MACO1: variants seen among roughly 807,000 people sequenced by gnomAD.
MACO1 encodes macoilin.
A neutral mutation model predicts 78.7 loss-of-function variants in MACO1; 14 were observed. The ratio of observed to expected loss-of-function variants is 0.18; its 90% CI spans 0.12 to 0.28. MACO1 has a LOEUF of 0.28. Among genes scored for constraint, MACO1 ranks in the 10% least tolerant of loss-of-function variants. The probability of loss-of-function intolerance (pLI) is 1.00; values close to 1 mark genes in which losing one functional copy is unlikely to be tolerated. For missense variants in MACO1, 501 were observed against 799.0 expected (o/e 0.63, Z 4.50); for synonymous variants, 288 against 291.6 (o/e 0.99, Z 0.12).
intron 6 of MACO1, among the ~76,000 whole-genome samples, chr1:25,472,418 T>C (rs920049422): frequency 2.0e-5 from 3 of 146,410 alleles, no homozygotes; most frequent in Non-Finnish European, 3.0e-5. Flanking sequence ...CCTGTGTTCA[T>C]GCGTTCTCAT....
rs943937796 is a variant in MACO1 at position 25,493,801 on chromosome 1, C to T, written c.1792+2217C>T. ...AGGCTGGAGTGCAGTGGCACGATCT[C>T]GGTGCACTGCAAGCTCCAGCTCCCG... On this transcript the variant is annotated intron_variant, in intron 10 of 10. Coordinates refer to ENST00000374343, the MANE Select transcript of MACO1 (RefSeq NM_018202.6). 7.3e-4 allele frequency among the ~76,000 whole-genome samples: 103 copies of T among 141,612 alleles called. 1 individual carries two copies. The highest frequency in any genetic ancestry group is 8.0e-5 in the African/African-American group (3 of 37,444). The allele number at this position is 141,612 out of a possible 152,430, so 92.9% of individuals were successfully genotyped here.
At chr1:25,484,550 A>G (rs1051844738) in intron 7 of MACO1, among the ~76,000 whole-genome samples, 3 of 152,188 alleles carry the variant, frequency 2.0e-5, no homozygotes, top group African/African-American at 7.2e-5. Flanking sequence ...GAGTTTTTGG[A>G]TAGTAAAATT....
chr1:25,495,523 C>T (rs2043527766), intron 10 of MACO1, among the ~76,000 whole-genome samples: 2 of 152,194 alleles, frequency 1.3e-5, no homozygotes, highest in East Asian at 3.8e-4. Context: ...TTCCTTTCTA[C>T]TGCTCTCACT....
rs148484219 is a variant in MACO1, at chr1:25,448,697, G to A, written c.223-111G>A. On this transcript the variant is annotated intron_variant, in intron 2 of 10. Transcript: ENST00000374343. ...TGTGAATTTGCTTTACAGTTACCAAGTTATCTCTTAGCAGTTTCAATAATT... is the reference window on the plus strand; with the variant it reads ...TGTGAATTTGCTTTACAGTTACCAAATTATCTCTTAGCAGTTTCAATAATT... 6.3e-4 allele frequency: 651 copies of A among 1,035,078 alleles called. 6 individuals carry two copies. The East Asian group carries it at 0.016, about 25-fold the overall frequency. 64.1% of individuals were successfully genotyped at this position (1,035,078 alleles called of 1,614,324 possible). A position where few individuals can be genotyped will look rare whatever the true frequency, so the allele number is the denominator to read the frequency against.
chr1:25,437,179 G>C (rs1019247643), intron 1 of MACO1, among the ~76,000 whole-genome samples: 5 of 150,676 alleles, frequency 3.3e-5, no homozygotes, highest in African/African-American at 7.3e-5. Flanking sequence ...CTGTCGCCCA[G>C]GCTGGAGTCC....
intron 3 of MACO1, among the ~76,000 whole-genome samples, 176 bp from the exon 4 acceptor site, chr1:25,454,083 A>T (rs2043093431): frequency 6.6e-6 from 1 of 152,110 alleles, no homozygotes; most frequent in Non-Finnish European, 1.5e-5. Context: ...TTTGTCAGCG[A>T]TTCTGTGGAA....
chr1:25,444,768 G>T lies in MACO1; in HGVS notation c.81-1994G>T, dbSNP rs569078361. Among the ~76,000 whole-genome samples the T allele has an allele frequency of 1.0e-3, 154 of 151,672 alleles. 2 individuals carry two copies. Among genetic ancestry groups the T allele is most frequent in the African/African-American group, 3.0e-3 (124 of 41,420 alleles). On this transcript the variant is annotated intron_variant, in intron 1 of 10. Coordinates refer to ENST00000374343, the MANE Select transcript of MACO1 (RefSeq NM_018202.6). ...CACCTGGCTAATTTTTAAATTTTTT[G>T]TACAGATGGGGTCTCACTATGTTGC...
Position 25,441,949 on chromosome 1 carries a change from T to C in MACO1, c.81-4813T>C, listed in dbSNP as rs182444291. On this transcript the variant is annotated intron_variant, in intron 1 of 10. Coordinates refer to ENST00000374343, the MANE Select transcript of MACO1 (RefSeq NM_018202.6). ...TACGGATTATCTGATTAGGGCATTG[T>C]CTTTTTTCTGAGACATCCTGTAATT... Among the ~76,000 whole-genome samples, 85 of 152,368 alleles carry C rather than the reference T, an allele frequency of 5.6e-4. No individual in the cohort carries two copies. In the East Asian group the frequency reaches 7.9e-3, roughly 14 times the overall value.
intron 6 of MACO1, among the ~76,000 whole-genome samples, chr1:25,459,859 A>C (rs959651084): frequency 5.3e-5 from 8 of 152,302 alleles, no homozygotes; most frequent in Non-Finnish European, 1.2e-4. Flanking sequence ...TTAGGCAAAC[A>C]CAAATATGTT....
chr1:25,435,873 G>A (rs1451921356), intron 1 of MACO1, among the ~76,000 whole-genome samples: 3 of 152,054 alleles, frequency 2.0e-5, no homozygotes, highest in Non-Finnish European at 2.9e-5. Context: ...TTTAAAAATC[G>A]GCCACACTGG....
At chr1:25,446,957 G>GTAGATGTTATTAGCA in intron 2 of MACO1, 54 bp downstream of exon 2, 1 of 1,559,784 alleles carries the variant, frequency 6.4e-7, no homozygotes. Context: ...GCTGTTTAGA[G>GTAGATGTTATTAGCA]TAGATGTTAT....
chr1:25,431,105 C>T lies in MACO1; in HGVS notation c.7C>T (p.Arg3Trp). 1 of 1,591,122 alleles carries T rather than the reference C, an allele frequency of 6.3e-7. No homozygotes were observed. The change falls in exon 1 of 11, where the codon CGG becomes TGG. Residue 3 changes from arginine (R) to tryptophan (W), a missense_variant. Transcript: ENST00000374343. ...CCGGCCCCCCAGCGGGAGGATGAAG[C>T]GGCGGAACGCCGACTGCAGTAAGCT... MK[R>W]RNADCSKLRR...
intron 3 of MACO1, among the ~76,000 whole-genome samples, chr1:25,451,177 C>T (rs1044532369): frequency 1.3e-5 from 2 of 152,168 alleles, no homozygotes; most frequent in African/African-American, 4.8e-5. Flanking sequence ...AAACAAAAAA[C>T]TACTCTTATT....
At chr1:25,468,976 G>A (rs1053969278) in intron 6 of MACO1, among the ~76,000 whole-genome samples, 2 of 152,156 alleles carry the variant, frequency 1.3e-5, no homozygotes, top group African/African-American at 4.8e-5. Flanking sequence ...AAGTAGCTGG[G>A]ATTACAGGCA....
intron 1 of MACO1, among the ~76,000 whole-genome samples, chr1:25,442,969 T>A (rs188384951): frequency 2.6e-5 from 4 of 152,354 alleles, no homozygotes; most frequent in Admixed American, 2.6e-4. Flanking sequence ...AACATCAAAT[T>A]AGCCATGAGT....
At chr1:25,460,902 A>G (rs1358152464) in intron 6 of MACO1, among the ~76,000 whole-genome samples, 6 of 152,124 alleles carry the variant, frequency 3.9e-5, no homozygotes, top group Non-Finnish European at 8.8e-5. Context: ...AATAGACAAC[A>G]TTATATTTAA....
At chr1:25,483,132 C>T (rs1205184651) in intron 6 of MACO1, among the ~76,000 whole-genome samples, 1 of 152,320 alleles carries the variant, frequency 6.6e-6, no homozygotes, top group East Asian at 1.9e-4. Context: ...CTCACTGCAA[C>T]CTCCACCTCC....
In MACO1 at chr1:25,484,237, G is replaced by A. The variant is rs1557674839; in HGVS notation, c.1276G>A (p.Gly426Ser). 2 of 1,613,174 alleles carry A rather than the reference G, an allele frequency of 1.2e-6. No individual in the cohort carries two copies. The highest frequency in any genetic ancestry group is 1.7e-6 in the Non-Finnish European group (2 of 1,179,812). Residue 426 changes from glycine to serine, a missense_variant, in exon 7 of 11, where the codon GGC becomes AGC. This residue lies in a region of MACO1 where 163 missense variants were observed against 271.9 expected (regional missense o/e 0.60). Transcript: ENST00000374343. ...CGAGCGAGGGATCCGCTCAGAAATG[G>A]GCCAGCTTCGGCAGGAGAACGAGCT... ...STERGIRSEM[G>S]QLRQENELLQ... is the part of the protein sequence containing the mutation.
intron 1 of MACO1, among the ~76,000 whole-genome samples, chr1:25,437,651 G>A (rs182297835): frequency 3.3e-3 from 495 of 152,264 alleles, no homozygotes; most frequent in Non-Finnish European, 3.9e-3. Context: ...TTTTGGCCGG[G>A]TGTGATGGCT....
Sources: allele counts gnomAD v4.1 joint callset (sites outside exome capture counted in the v4.1 genomes callset), GRCh38; gene constraint gnomAD v4.1.1; regional missense constraint gnomAD v4.1.1; transcripts MANE v1.5; gene names NCBI Gene and HGNC (gene_info 2026-07-23, HGNC 2026-07-21).